ANKRD54: variants seen among roughly 807,000 people sequenced by gnomAD.
The protein encoded by ANKRD54 is ankyrin repeat domain 54.
A neutral mutation model predicts 36.2 loss-of-function variants in ANKRD54; 26 were observed. That is an observed-to-expected ratio of 0.72 (90% CI 0.53 to 1.00). The LOEUF is 1.00. Ranked by LOEUF, ANKRD54 falls within the 50% of genes least tolerant of loss-of-function variation. The pLI, the probability that ANKRD54 is intolerant of heterozygous loss-of-function variation, is 0.00. For missense variants in ANKRD54, 384 were observed against 424.3 expected, an observed-to-expected ratio of 0.91 and a Z score of 0.83; for synonymous variants, 209 against 188.4, an observed-to-expected ratio of 1.11 and a Z score of -0.89.
upstream of ANKRD54, chr22:37,844,468 A>G: frequency 2.2e-6 from 1 of 454,258 alleles, no homozygotes; most frequent in Non-Finnish European, 3.9e-6. Context: ...GGCACAGTAC[A>G]AGCAGGATAA....
At chr22:37,836,839 G>C (rs1923611698) in intron 3 of ANKRD54, among the ~76,000 whole-genome samples, 2 of 151,978 alleles carry the variant, frequency 1.3e-5, no homozygotes, top group African/African-American at 4.8e-5. Context: ...GACTAGCCTG[G>C]CCAACATGGT....
chr22:37,845,514 C>T (rs1473304957), upstream of ANKRD54, among the ~76,000 whole-genome samples: 4 of 152,186 alleles, frequency 2.6e-5, no homozygotes, highest in East Asian at 1.9e-4. Flanking sequence ...CAGCTCTCAC[C>T]GGACCAGGTC....
At chr22:37,843,885 G>T in intron 1 of ANKRD54, 26 bp downstream of exon 1, 14 of 1,205,146 alleles carry the variant, frequency 1.2e-5, no homozygotes, top group Non-Finnish European at 1.3e-5. Flanking sequence ...CCCGCCCCGG[G>T]CCCCCGCGCC....
chr22:37,832,961 C>T lies in ANKRD54; in HGVS notation c.717G>A (p.Lys239=). The change falls in exon 6 of 8, where the codon AAG becomes AAA. Residue 239 remains lysine, a synonymous_variant. Coordinates refer to ENST00000215941, the MANE Select transcript of ANKRD54 (RefSeq NM_138797.4). ...TCCACACAGAAGGGGTACTCACCTG[C>T]TTCACCTCCAGACGCACAGCCTCTA... The part of the protein sequence containing the change: ...QCLEAVRLEV[K]QIIHMLREYL... 6.2e-7 allele frequency: 1 copy of T among 1,613,660 alleles called. No individual in the cohort carries two copies. Among genetic ancestry groups the T allele is most frequent in the Non-Finnish European group, 8.5e-7 (1 of 1,180,006 alleles).
chr22:37,836,327 T>C (rs141834304), intron 3 of ANKRD54, among the ~76,000 whole-genome samples: 1 of 149,670 alleles, frequency 6.7e-6, no homozygotes, highest in African/African-American at 2.4e-5. Context: ...ATGCCTGTAA[T>C]CCCAGCTACT....
rs1212997697 is a variant in ANKRD54, at chr22:37,843,925, C to A, written c.314G>T (p.Gly105Val). The change falls in exon 1 of 8, where the codon GGC (glycine) becomes GTC (valine). Residue 105 changes from glycine (G) to valine (V), a missense_variant. Transcript: ENST00000215941. Reference protein sequence around the residue: ...ARPHRRLGPTGKEVHALKRLR... With the variant: ...ARPHRRLGPTVKEVHALKRLR... ...GCGCCGCTCACCGTGCACCTCCTTG[C>A]CCGTGGGCCCGAGCCGCCGGTGGGG... 1.5e-6 allele frequency: 2 copies of A among 1,348,134 alleles called. No homozygotes were observed. Among genetic ancestry groups the A allele is most frequent in the Admixed American group, 6.9e-5 (2 of 28,838 alleles). The allele number at this position is 1,348,134 out of a possible 1,614,324, so 83.5% of individuals were successfully genotyped here.
intron 1 of ANKRD54, among the ~76,000 whole-genome samples, chr22:37,842,867 G>A (rs73883958): frequency 0.01 from 1,528 of 152,322 alleles, 32 homozygotes; most frequent in African/African-American, 0.035. Flanking sequence ...AAGACAATAT[G>A]GTAGATATAC....
chr22:37,848,735 A>C (rs1924981455), upstream of ANKRD54: 1 of 152,092 alleles, frequency 6.6e-6, no homozygotes, highest in African/African-American at 2.4e-5. Flanking sequence ...AGTCTTGTGA[A>C]GTCCGAACGT....
rs1426956067 is a variant in ANKRD54, at chr22:37,833,000, G to A, written c.678C>T (p.Gly226=). ...AKSKLNILQE[G]HAQCLEAVRL... ...GCACAGCCTCTAGGCACTGGGCATG[G>A]CCCTCCTGCAGGATATTCAGCTTTG... Residue 226 remains glycine, a synonymous_variant, in exon 6 of 8, where the codon GGC becomes GGT. Coordinates refer to ENST00000215941, the MANE Select transcript of ANKRD54 (RefSeq NM_138797.4). The A allele has an allele frequency of 1.9e-6, 3 of 1,614,130 alleles. No homozygotes were observed. Among genetic ancestry groups the A allele is most frequent in the Admixed American group, 1.7e-5 (1 of 60,016 alleles).
chr22:37,832,125 A>T, intron 7 of ANKRD54, 108 bp from the exon 8 acceptor site: 3 of 1,078,634 alleles, frequency 2.8e-6, no homozygotes, highest in Non-Finnish European at 4.1e-6. Context: ...CTCTCCTCCC[A>T]GGGCGTGTGG....
chr22:37,844,831 G>A (rs151298579), upstream of ANKRD54, among the ~76,000 whole-genome samples: 284 of 152,144 alleles, frequency 1.9e-3, 1 homozygote, highest in African/African-American at 6.5e-3. Flanking sequence ...GCCTCCCAAA[G>A]TGCTGGGATT....
At chr22:37,832,813 A>C in intron 6 of ANKRD54, 69 bp from the exon 7 acceptor site, 4 of 1,605,810 alleles carry the variant, frequency 2.5e-6, no homozygotes, top group Non-Finnish European at 3.4e-6. Context: ...CTGCTTCCAA[A>C]AAGCACAGTG....
chr22:37,835,381 T>A (rs1216640531), intron 3 of ANKRD54, among the ~76,000 whole-genome samples: 2 of 151,618 alleles, frequency 1.3e-5, no homozygotes, highest in Non-Finnish European at 2.9e-5. Flanking sequence ...AATAAATAAA[T>A]AAAAATAAAA....
Position 37,831,569 on chromosome 22 carries a change from C to T in ANKRD54, c.*374G>A, listed in dbSNP as rs1445051731. 4.5e-6 allele frequency: 1 copy of T among 222,026 alleles called. No individual in the cohort carries two copies. The highest frequency in any genetic ancestry group is 9.1e-6 in the Non-Finnish European group (1 of 109,714). The allele number at this position is 222,026 out of a possible 1,614,324, so 13.8% of individuals were successfully genotyped here. On this transcript the variant is annotated 3_prime_UTR_variant, in exon 8 of 8. Transcript: ENST00000215941. ...CCACACCTGCTGACTGCAACAAGCC[C>T]ATGGCCAGGACGGAACACAGAGAAG...
At chr22:37,844,559 G>T (rs949260583), upstream of ANKRD54, 33 of 321,816 alleles carry the variant, frequency 1.0e-4, no homozygotes, top group Non-Finnish European at 1.8e-4. Context: ...TTCGCTGTAC[G>T]TCGCTACCGG....
At chr22:37,844,829 A>G (rs370530846), upstream of ANKRD54, among the ~76,000 whole-genome samples, 1 of 151,900 alleles carries the variant, frequency 6.6e-6, no homozygotes, top group Non-Finnish European at 1.5e-5. Context: ...CGGCCTCCCA[A>G]AGTGCTGGGA....
intron 2 of ANKRD54, 38 bp from the exon 3 acceptor site, chr22:37,838,636 G>C (rs985813826): frequency 3.8e-6 from 6 of 1,581,588 alleles, no homozygotes; most frequent in East Asian, 4.6e-5. Flanking sequence ...GGGGGAGAAA[G>C]CGGCGATGTT....
chr22:37,838,469 C>T lies in ANKRD54; in HGVS notation c.475+31G>A, dbSNP rs757220902. 5 of 1,587,664 alleles carry T rather than the reference C, an allele frequency of 3.1e-6. No homozygotes were observed. In the East Asian group the frequency reaches 6.9e-5, roughly 22 times the overall value. ...CTGTGCAGAGACACTACTTGCCTAG[C>T]CCTACTCCCTCCTCCCTCCCCAGGA... is the stretch of plus-strand genomic sequence containing the variant. On this transcript the variant is annotated intron_variant, in intron 3 of 7. Coordinates refer to ENST00000215941, the MANE Select transcript of ANKRD54 (RefSeq NM_138797.4).
upstream of ANKRD54, among the ~76,000 whole-genome samples, chr22:37,844,889 C>T (rs559938167): frequency 1.3e-5 from 2 of 151,976 alleles, no homozygotes; most frequent in African/African-American, 4.8e-5. Flanking sequence ...TTTTCCTCTC[C>T]ATTTCCCAGT....
Sources: gnomAD v4.1 joint callset for allele counts (sites outside exome capture counted in the v4.1 genomes callset) on GRCh38, gnomAD v4.1.1 for gene constraint, MANE v1.5 for transcripts, NCBI Gene and HGNC (gene_info 2026-07-23, HGNC 2026-07-21) for gene names.